The following CNOT8 variants were observed in gnomAD, a reference collection of about 807,000 sequenced individuals.
CNOT8 encodes the protein CAF1-like protein.
Under a neutral mutation model 34.6 loss-of-function variants are expected in CNOT8, and 18 were observed. The ratio of observed to expected loss-of-function variants is 0.52; its 90% CI spans 0.36 to 0.77. The LOEUF (loss-of-function observed/expected upper bound fraction) is 0.77. Ranked by LOEUF, CNOT8 falls within the 30% of genes least tolerant of loss-of-function variation. The probability of loss-of-function intolerance (pLI) is 0.00; values close to 1 mark genes in which losing one functional copy is unlikely to be tolerated. For missense variants in CNOT8, 189 were observed against 347.9 expected (o/e 0.54, Z 3.63); for synonymous variants, 101 against 118.8 (o/e 0.85, Z 0.98).
chr5:154,871,341 C>A (rs1448317446), intron 4 of CNOT8, among the ~76,000 whole-genome samples: 10 of 151,972 alleles, frequency 6.6e-5, no homozygotes, highest in Admixed American at 6.6e-4. Context: ...GGTGGATCAC[C>A]TGAGGTCAGG....
In CNOT8 at chr5:154,871,780, C is replaced by G. The variant is rs200185366; in HGVS notation, c.524C>G (p.Pro175Arg). 1 of 1,613,740 alleles carries G rather than the reference C, an allele frequency of 6.2e-7. No homozygotes were observed. The highest frequency in any genetic ancestry group is 1.7e-5 in the Admixed American group (1 of 59,990). The stretch of plus-strand genomic sequence containing the variant: ...AAGTTGCTTACAGATTCTCGTTTGC[C>G]AGAAGAGGAACATGAATTCTTTCAT... Reference protein sequence around the residue: ...MVKLLTDSRLPEEEHEFFHIL... With the variant: ...MVKLLTDSRLREEEHEFFHIL... The change falls in exon 5 of 7, where the codon CCA becomes CGA. Residue 175 changes from proline (P) to arginine (R), a missense_variant. Transcript: ENST00000285896.
intron 1 of CNOT8, among the ~76,000 whole-genome samples, chr5:154,861,988 A>G (rs1253434273): frequency 2.0e-5 from 3 of 152,330 alleles, no homozygotes; most frequent in South Asian, 2.1e-4. Flanking sequence ...GTGAGCCACC[A>G]TGCCCGGCTT....
intron 6 of CNOT8, among the ~76,000 whole-genome samples, chr5:154,874,899 G>C (rs907763571): frequency 3.3e-5 from 5 of 151,822 alleles, no homozygotes; most frequent in African/African-American, 1.2e-4. Context: ...GGAAGGCTGG[G>C]AGGTGGTGAT....
chr5:154,870,813 C>G lies in CNOT8; in HGVS notation c.464C>G (p.Ser155Ter), dbSNP rs371901945. 7 of 1,613,340 alleles carry G rather than the reference C, an allele frequency of 4.3e-6. No individual in the cohort carries two copies. Among genetic ancestry groups the G allele is most frequent in the Non-Finnish European group, 5.9e-6 (7 of 1,179,698 alleles). Reference protein sequence around the residue: ...VVLCDNVKWLSFHSGYDFGYM... With the variant: ...VVLCDNVKWL Reference sequence around the variant, plus strand: ...CTCTGTGACAATGTCAAATGGCTTTCATTTCATAGGTCAGTCCTAGGGAAT... The same window carrying G: ...CTCTGTGACAATGTCAAATGGCTTTGATTTCATAGGTCAGTCCTAGGGAAT... The change falls in exon 4 of 7, where the codon TCA (serine) becomes TGA (stop). Residue 155 changes from serine to a stop codon, truncating the protein, a stop_gained. Coordinates refer to ENST00000285896, the MANE Select transcript of CNOT8 (RefSeq NM_001301073.2). LOFTEE classifies it high-confidence loss of function.
At chr5:154,858,260 A>G (rs534777747), upstream of CNOT8, 12 of 152,072 alleles carry the variant, frequency 7.9e-5, no homozygotes, top group African/African-American at 2.9e-4. Flanking sequence ...AAGAGGACCA[A>G]AATGGAGGAG....
intron 2 of CNOT8, 125 bp from the exon 3 acceptor site, chr5:154,865,067 T>C: frequency 2.5e-6 from 2 of 810,202 alleles, no homozygotes; most frequent in Non-Finnish European, 2.0e-6. Flanking sequence ...AAAAGAATTT[T>C]GTGCCCAAGT....
At chr5:154,859,787 G>A (rs1038757585) in intron 1 of CNOT8, 4 of 152,226 alleles carry the variant, frequency 2.6e-5, no homozygotes, top group Admixed American at 6.5e-5. Context: ...ATGTTTTGGA[G>A]AAGTTTACAC....
intron 5 of CNOT8, 23 bp downstream of exon 5, chr5:154,871,897 C>A: frequency 1.9e-6 from 3 of 1,591,800 alleles, no homozygotes; most frequent in Non-Finnish European, 2.6e-6. Flanking sequence ...TTTCTTAATA[C>A]CAGTAACAAA....
intron 3 of CNOT8, among the ~76,000 whole-genome samples, chr5:154,869,551 T>A (rs1762260126): frequency 6.6e-6 from 1 of 151,456 alleles, no homozygotes; most frequent in Non-Finnish European, 1.5e-5. Flanking sequence ...TTCAAGTGAT[T>A]CTCATGCCTC....
intron 3 of CNOT8, among the ~76,000 whole-genome samples, chr5:154,869,782 G>A (rs920082185): frequency 2.0e-5 from 3 of 152,076 alleles, no homozygotes; most frequent in Non-Finnish European, 2.9e-5. Context: ...GCGCCACCAC[G>A]CCCAGCTAAT....
rs752785048 is a variant in CNOT8, at chr5:154,870,790, C to T, written c.441C>T (p.Leu147=). The T allele has an allele frequency of 6.2e-7, 1 of 1,613,950 alleles. No individual in the cohort carries two copies. The highest frequency in any genetic ancestry group is 1.7e-5 in the Admixed American group (1 of 59,980). The stretch of plus-strand genomic sequence containing the variant: ...TGCTTATGACATCAGGAGTGGTTCT[C>T]TGTGACAATGTCAAATGGCTTTCAT... ...AELLMTSGVV[L]CDNVKWLSFH... is the part of the protein sequence containing the mutation. Residue 147 remains leucine (L), a synonymous_variant, in exon 4 of 7, where the codon CTC becomes CTT. Transcript: ENST00000285896.
chr5:154,866,855 G>T (rs1318014378), intron 3 of CNOT8, among the ~76,000 whole-genome samples: 1 of 152,204 alleles, frequency 6.6e-6, no homozygotes, highest in Admixed American at 6.5e-5. Flanking sequence ...GGAGGCTGCA[G>T]TGAGTCGAGA....
intron 1 of CNOT8, among the ~76,000 whole-genome samples, chr5:154,860,278 G>A (rs1231393326): frequency 6.6e-6 from 1 of 151,528 alleles, no homozygotes; most frequent in African/African-American, 2.4e-5. Flanking sequence ...AAAGTGGCAG[G>A]CAGAATTGCT....
Position 154,858,643 on chromosome 5 carries a change from A to T in CNOT8, c.-198A>T, listed in dbSNP as rs894434183. The T allele has an allele frequency of 6.6e-6, 1 of 152,190 alleles. No homozygotes were observed. The highest frequency in any genetic ancestry group is 2.1e-4 in the South Asian group (1 of 4,838). 9.4% of individuals were successfully genotyped at this position (152,190 alleles called of 1,614,324 possible). ...CACTGGCTCGTTCGGTTCTAGGAGCAGATCCGGGGTAGAGGGAAAAGAGCT... is the reference window on the plus strand; with the variant it reads ...CACTGGCTCGTTCGGTTCTAGGAGCTGATCCGGGGTAGAGGGAAAAGAGCT... On this transcript the variant is annotated 5_prime_UTR_variant, in exon 1 of 7. Transcript: ENST00000285896.
At chr5:154,870,567 T>C in intron 3 of CNOT8, 94 bp from the exon 4 acceptor site, 1 of 944,592 alleles carries the variant, frequency 1.1e-6, no homozygotes, top group Non-Finnish European at 1.6e-6. Flanking sequence ...ATTTCAAAAA[T>C]ACTTGTACTA....
At position 154,875,350 on chromosome 5, in the gene CNOT8, ACAGGAGTGGCC is replaced by A; in HGVS notation, c.794_804del (p.Gly265GlufsTer4). Reference sequence around the variant, plus strand: ...CTGTGGGCGGCTCTATGGCTTAGGCACAGGAGTGGCCCAGAAGCAGAATGAGGATGTGGACT... The same window carrying A: ...CTGTGGGCGGCTCTATGGCTTAGGCACAGAAGCAGAATGAGGATGTGGACT... On this transcript the variant is annotated frameshift_variant, in exon 7 of 7. Transcript: ENST00000285896. LOFTEE classifies it high-confidence loss of function. 1 of 1,614,156 alleles carries A rather than the reference ACAGGAGTGGCC, an allele frequency of 6.2e-7. No homozygotes were observed. The highest frequency in any genetic ancestry group is 1.1e-5 in the South Asian group (1 of 91,078).
chr5:154,870,959 GC>G, intron 4 of CNOT8, 137 bp downstream of exon 4: 1 of 742,446 alleles, frequency 1.3e-6, no homozygotes, highest in Non-Finnish European at 2.2e-6. Context: ...GGTGCTTGTT[GC>G]CCATGTTTCA....
At chr5:154,868,263 CTTTTCT>C (rs1161173225) in intron 3 of CNOT8, among the ~76,000 whole-genome samples, 8 of 127,258 alleles carry the variant, frequency 6.3e-5, no homozygotes, top group East Asian at 2.1e-4. Context: ...TTTTTCTTTT[CTTTTCT>C]TTTTTTTTTT....
rs1762240006 is a variant in CNOT8, at chr5:154,869,418, C to T, written c.312-1243C>T. Reference sequence around the variant, plus strand: ...ACAGGCGTGAGCCACCCCACCCGGCCTTGTTGGTTTTTTTTTTTTTTTTTT... The same window carrying T: ...ACAGGCGTGAGCCACCCCACCCGGCTTTGTTGGTTTTTTTTTTTTTTTTTT... On this transcript the variant is annotated intron_variant, in intron 3 of 6. Transcript: ENST00000285896. 2.8e-5 allele frequency among the ~76,000 whole-genome samples: 4 copies of T among 143,070 alleles called. No individual in the cohort carries two copies. The Admixed American group carries it at 2.8e-4, about 10-fold the overall frequency. The allele number at this position is 143,070 out of a possible 152,430, so 93.9% of individuals were successfully genotyped here. A position where few individuals can be genotyped will look rare whatever the true frequency, so the allele number is the denominator to read the frequency against.
Sources: allele counts gnomAD v4.1 joint callset (sites outside exome capture counted in the v4.1 genomes callset), GRCh38; gene constraint gnomAD v4.1.1; transcripts MANE v1.5; gene names NCBI Gene and HGNC (gene_info 2026-07-23, HGNC 2026-07-21).